The following EDC3 variants were observed in gnomAD, a reference collection of about 807,000 sequenced individuals.
EDC3 encodes enhancer of mRNA decapping 3.
Under a neutral mutation model 41.8 loss-of-function variants are expected in EDC3, and 20 were observed. The ratio of observed to expected loss-of-function variants is 0.48; its 90% CI spans 0.34 to 0.70. The LOEUF (loss-of-function observed/expected upper bound fraction) is 0.70. EDC3 is among the 30% of genes least tolerant of loss of function. The pLI is 0.01. For missense variants in EDC3, 444 were observed against 636.8 expected, an observed-to-expected ratio of 0.70 and a Z score of 3.26; for synonymous variants, 206 against 243.2, an observed-to-expected ratio of 0.85 and a Z score of 1.42.
chr15:74,687,363 GCTTT>G (rs1257967761), intron 1 of EDC3, among the ~76,000 whole-genome samples: 2 of 151,994 alleles, frequency 1.3e-5, no homozygotes, highest in African/African-American at 4.8e-5. Flanking sequence ...GCTCATACAG[GCTTT>G]TTTTTGTTAC....
chr15:74,692,209 T>C (rs1033747680), intron 1 of EDC3, among the ~76,000 whole-genome samples: 15 of 152,192 alleles, frequency 9.9e-5, no homozygotes, highest in Admixed American at 9.8e-4. Context: ...CATCTGGCCT[T>C]TGACAGAAAG....
rs1255169062 is a variant in EDC3, at chr15:74,630,784, G to A, written c.*1828C>T. 6.6e-6 allele frequency: 1 copy of A among 152,304 alleles called. No homozygotes were observed. The highest frequency in any genetic ancestry group is 1.5e-5 in the Non-Finnish European group (1 of 68,118). 9.4% of individuals were successfully genotyped at this position (152,304 alleles called of 1,614,324 possible). A position where few individuals can be genotyped will look rare whatever the true frequency, so the allele number is the denominator to read the frequency against. ...GACCAGTCCCAGTGCCCCCTGGGGA[G>A]AGAAGAGGGAGAAGCTTGGGCACAA... is the stretch of plus-strand genomic sequence containing the variant. On this transcript the variant is annotated 3_prime_UTR_variant, in exon 7 of 7. Coordinates refer to ENST00000315127, the MANE Select transcript of EDC3 (RefSeq NM_025083.5).
chr15:74,672,200 C>T (rs1288256253), intron 2 of EDC3, among the ~76,000 whole-genome samples: 2 of 137,720 alleles, frequency 1.5e-5, no homozygotes, highest in East Asian at 2.3e-4. Flanking sequence ...ACCCGGGAGG[C>T]GGAGCTTGCA....
At position 74,631,579 on chromosome 15, in the gene EDC3, G is replaced by GT. The variant is rs1300594908; in HGVS notation, c.*1032dup. 2 of 152,546 alleles carry GT rather than the reference G, an allele frequency of 1.3e-5. No homozygotes were observed. Among genetic ancestry groups the GT allele is most frequent in the African/African-American group, 4.8e-5 (2 of 41,458 alleles). 9.4% of individuals were successfully genotyped at this position (152,546 alleles called of 1,614,324 possible). On this transcript the variant is annotated 3_prime_UTR_variant, in exon 7 of 7. Coordinates refer to ENST00000315127, the MANE Select transcript of EDC3 (RefSeq NM_025083.5). ...AAGCCCAGATGATGTAAGAGCTGGG[G>GT]TGGAGCTCAAGCACGGGAGCCCATC...
intron 1 of EDC3, among the ~76,000 whole-genome samples, chr15:74,686,495 A>C (rs2141679843): frequency 6.6e-6 from 1 of 151,432 alleles, no homozygotes; most frequent in East Asian, 2.0e-4. Flanking sequence ...CTCAAAAAAA[A>C]TTAAATAGGC....
chr15:74,640,200 G>A, intron 5 of EDC3: 1 of 404,484 alleles, frequency 2.5e-6, no homozygotes, highest in Non-Finnish European at 4.4e-6. Context: ...CTGATAGTTA[G>A]CAGGAGTCTC....
chr15:74,692,956 G>A (rs1478718410), intron 1 of EDC3: 2 of 152,102 alleles, frequency 1.3e-5, no homozygotes, highest in Non-Finnish European at 2.9e-5. Flanking sequence ...AGATTCCACA[G>A]TCTTTTAGAC....
chr15:74,660,701 C>T (rs2062611373), intron 3 of EDC3, among the ~76,000 whole-genome samples: 1 of 152,124 alleles, frequency 6.6e-6, no homozygotes, highest in Admixed American at 6.6e-5. Flanking sequence ...CCAGTGGTCA[C>T]TCTTCAGTGG....
intron 4 of EDC3, among the ~76,000 whole-genome samples, chr15:74,646,113 T>C (rs183338462): frequency 2.0e-5 from 3 of 150,324 alleles, no homozygotes; most frequent in African/African-American, 7.3e-5. Context: ...ACTCTTGTTA[T>C]CCAGGCTGGA....
Position 74,671,658 on chromosome 15 carries a change from C to A in EDC3, c.281G>T (p.Gly94Val). ...LGPSGAGCQV[G>V]INQNGTGKFV... ...CTTGCCTGTGCCATTCTGATTGATG[C>A]CCACTTGGCAGCCAGCACCAGAGGG... The change falls in exon 3 of 7, where the codon GGC becomes GTC. Residue 94 changes from glycine (G) to valine (V), a missense_variant. Coordinates refer to ENST00000315127, the MANE Select transcript of EDC3 (RefSeq NM_025083.5). This position sits in a 1 kb window ranked among gnomAD's most constrained non-coding sequence, Gnocchi z 4.6. 6.2e-7 allele frequency: 1 copy of A among 1,614,142 alleles called. No homozygotes were observed. Among genetic ancestry groups the A allele is most frequent in the African/African-American group, 1.3e-5 (1 of 75,050 alleles).
intron 6 of EDC3, among the ~76,000 whole-genome samples, chr15:74,634,828 C>CA (rs1297902155): frequency 2.0e-5 from 3 of 152,276 alleles, no homozygotes; most frequent in Admixed American, 2.0e-4. Flanking sequence ...AGTCTACTCT[C>CA]AAACAGCACC....
intron 3 of EDC3, among the ~76,000 whole-genome samples, chr15:74,658,689 C>T (rs2062582072): frequency 1.3e-5 from 2 of 149,760 alleles, no homozygotes; most frequent in African/African-American, 4.9e-5. Context: ...GCCTGTAATC[C>T]CAGCACTTTG....
intron 4 of EDC3, among the ~76,000 whole-genome samples, chr15:74,652,943 G>GC (rs1026591114): frequency 1.3e-5 from 2 of 152,048 alleles, no homozygotes; most frequent in African/African-American, 4.8e-5. Flanking sequence ...ACTTTGGGAG[G>GC]CCAAGGCAGG....
chr15:74,635,714 G>T, intron 5 of EDC3, 88 bp from the exon 6 acceptor site: 1 of 1,241,072 alleles, frequency 8.1e-7, no homozygotes, highest in Non-Finnish European at 1.1e-6. Context: ...AGCACCTATT[G>T]GTCTCAGATC....
In EDC3 at chr15:74,632,517, A is replaced by T; in HGVS notation, c.*95T>A. The T allele has an allele frequency of 7.1e-7, 1 of 1,415,730 alleles. No homozygotes were observed. Among genetic ancestry groups the T allele is most frequent in the Non-Finnish European group, 9.6e-7 (1 of 1,045,244 alleles). 87.7% of individuals were successfully genotyped at this position (1,415,730 alleles called of 1,614,324 possible). A position where few individuals can be genotyped will look rare whatever the true frequency, so the allele number is the denominator to read the frequency against. On this transcript the variant is annotated 3_prime_UTR_variant, in exon 7 of 7. Transcript: ENST00000315127. This position sits in a 1 kb window ranked among gnomAD's most constrained non-coding sequence, Gnocchi z 4.0. ...CAGAAGAAACAAACCCAAAAGAGAA[A>T]AAACTTTAACAAGGTCCATGAAGCT... is the stretch of plus-strand genomic sequence containing the variant.
chr15:74,682,782 G>A (rs571115548), intron 1 of EDC3, among the ~76,000 whole-genome samples: 1 of 152,134 alleles, frequency 6.6e-6, no homozygotes, highest in African/African-American at 2.4e-5. Flanking sequence ...CAGCACTTTG[G>A]GAGGCTGAGG....
chr15:74,692,607 A>C (rs867090377), intron 1 of EDC3, among the ~76,000 whole-genome samples: 1 of 152,218 alleles, frequency 6.6e-6, no homozygotes. Flanking sequence ...AAAATTAACA[A>C]AATGTTAGCA....
At chr15:74,674,684 G>A (rs1222915645) in intron 2 of EDC3, among the ~76,000 whole-genome samples, 8 of 152,120 alleles carry the variant, frequency 5.3e-5, no homozygotes. Flanking sequence ...TTAATAAAGG[G>A]GAGGCCAAGG....
intron 4 of EDC3, 156 bp from the exon 5 acceptor site, chr15:74,640,775 G>A (rs948325435): frequency 1.1e-5 from 9 of 813,036 alleles, no homozygotes; most frequent in South Asian, 1.7e-5. Flanking sequence ...ACGCTCTGCA[G>A]CTCTGCAGAG....
Sources: allele counts gnomAD v4.1 joint callset (sites outside exome capture counted in the v4.1 genomes callset), GRCh38; gene constraint gnomAD v4.1.1; non-coding constraint Gnocchi (gnomAD v3.1); transcripts MANE v1.5; gene names NCBI Gene and HGNC (gene_info 2026-07-23, HGNC 2026-07-21).